HLCS: variants seen among roughly 807,000 people sequenced by gnomAD.
HLCS encodes the protein biotin--protein ligase.
HLCS carries 53 observed loss-of-function variants against 75.0 expected under a neutral mutation model. The observed-to-expected ratio is 0.71, with a 90% CI of 0.57 to 0.89. The LOEUF (loss-of-function observed/expected upper bound fraction) is 0.89. HLCS is among the 40% of genes least tolerant of loss of function. The pLI, the probability that HLCS is intolerant of heterozygous loss-of-function variation, is 0.00. For synonymous variants in HLCS, 431 were observed against 428.6 expected, an observed-to-expected ratio of 1.01 and a Z score of -0.07; for missense variants, 966 against 1,074.0, an observed-to-expected ratio of 0.90 and a Z score of 1.41.
chr21:36,783,721 C>T (rs1051542735), intron 6 of HLCS, among the ~76,000 whole-genome samples: 2 of 152,168 alleles, frequency 1.3e-5, no homozygotes, highest in South Asian at 4.1e-4. Flanking sequence ...CACCAGATGT[C>T]AGGTCTGCCA....
At chr21:36,933,657 C>A (rs1033851396) in intron 4 of HLCS, among the ~76,000 whole-genome samples, 1 of 136,262 alleles carries the variant, frequency 7.3e-6, no homozygotes, top group South Asian at 2.4e-4. Flanking sequence ...TATAGACAAA[C>A]AGCATAGCGG....
chr21:36,929,868 G>C (rs1345786588), intron 5 of HLCS, among the ~76,000 whole-genome samples: 2 of 152,246 alleles, frequency 1.3e-5, no homozygotes, highest in Non-Finnish European at 2.9e-5. Context: ...GTTGCCACAA[G>C]ATGGCAGACA....
At chr21:36,950,389 A>G (rs2067614159) in intron 2 of HLCS, among the ~76,000 whole-genome samples, 1 of 152,206 alleles carries the variant, frequency 6.6e-6, no homozygotes. Context: ...AATAAGTGGA[A>G]CATACGTGCA....
At chr21:36,954,382 A>T (rs1475199999) in intron 2 of HLCS, among the ~76,000 whole-genome samples, 2 of 151,986 alleles carry the variant, frequency 1.3e-5, no homozygotes, top group Non-Finnish European at 2.9e-5. Context: ...TGGGAGGCTG[A>T]GGCAGGCAGA....
In HLCS at chr21:36,753,992, G is replaced by A; in HGVS notation, c.*254C>T. ...AATAAACGTAAGTCCAAGCCACAGA[G>A]GGGAGAGCAATTTCCCACCTGTGGG... On this transcript the variant is annotated 3_prime_UTR_variant, in exon 11 of 11. Transcript: ENST00000674895. The surrounding 1 kb of genome is among the most constrained non-coding windows in gnomAD (Gnocchi z 4.3). The A allele has an allele frequency of 1.8e-6, 1 of 560,434 alleles. No homozygotes were observed. Among genetic ancestry groups the A allele is most frequent in the South Asian group, 2.1e-5 (1 of 48,602 alleles). The allele number at this position is 560,434 out of a possible 1,614,324, so 34.7% of individuals were successfully genotyped here.
At chr21:36,780,286 A>G (rs1371092539) in intron 6 of HLCS, among the ~76,000 whole-genome samples, 1 of 152,110 alleles carries the variant, frequency 6.6e-6, no homozygotes, top group African/African-American at 2.4e-5. Context: ...TCTGTTGCCC[A>G]GGCTGGAGTG....
intron 6 of HLCS, among the ~76,000 whole-genome samples, chr21:36,892,927 A>G (rs1426481385): frequency 2.0e-5 from 3 of 152,148 alleles, no homozygotes; most frequent in Non-Finnish European, 4.4e-5. Context: ...TAGTTCTGAA[A>G]ATTCTTCTTG....
intron 1 of HLCS, among the ~76,000 whole-genome samples, chr21:36,989,922 G>T (rs2069314524): frequency 6.6e-6 from 1 of 150,968 alleles, no homozygotes; most frequent in Non-Finnish European, 1.5e-5. Context: ...AGCGGCGCGC[G>T]GAGGCCGCGC....
intron 5 of HLCS, among the ~76,000 whole-genome samples, chr21:36,923,423 G>A (rs2066262597): frequency 6.6e-6 from 1 of 152,184 alleles, no homozygotes; most frequent in African/African-American, 2.4e-5. Flanking sequence ...ACGCTTCTTA[G>A]ACGGGATGCT....
intron 6 of HLCS, among the ~76,000 whole-genome samples, chr21:36,825,737 G>A (rs567255493): frequency 2.1e-3 from 321 of 152,236 alleles, no homozygotes; most frequent in Non-Finnish European, 3.7e-3. Context: ...TCCAGACGTC[G>A]GCAATGCCAC....
chr21:36,948,484 T>C (rs987402705), intron 2 of HLCS, among the ~76,000 whole-genome samples: 2 of 151,678 alleles, frequency 1.3e-5, no homozygotes, highest in Admixed American at 6.6e-5. Flanking sequence ...ATCCCAGCAC[T>C]TGGGGAGGCC....
intron 6 of HLCS, among the ~76,000 whole-genome samples, chr21:36,891,102 C>T (rs956418984): frequency 2.0e-5 from 3 of 152,200 alleles, no homozygotes; most frequent in Non-Finnish European, 4.4e-5. Flanking sequence ...TGACTAGGTC[C>T]TGTTCATAAT....
intron 1 of HLCS, among the ~76,000 whole-genome samples, chr21:36,989,750 A>G (rs57569585): frequency 0.32 from 48,419 of 152,010 alleles, 8,165 homozygotes; most frequent in African/African-American, 0.42. Context: ...TTTAGCGGCG[A>G]GTAGGCCCTG....
chr21:36,962,567 C>T (rs1018468199), intron 1 of HLCS, among the ~76,000 whole-genome samples: 2 of 151,874 alleles, frequency 1.3e-5, no homozygotes, highest in African/African-American at 4.8e-5. Context: ...GTGGGCAGAT[C>T]GCTTGAGCCC....
At chr21:36,943,109 T>C (rs920456756) in intron 2 of HLCS, among the ~76,000 whole-genome samples, 1 of 152,096 alleles carries the variant, frequency 6.6e-6, no homozygotes, top group Admixed American at 6.6e-5. Flanking sequence ...GGAACTCTAA[T>C]ACACTGCTGG....
intron 6 of HLCS, among the ~76,000 whole-genome samples, chr21:36,836,192 G>T (rs1170923159): frequency 6.6e-6 from 1 of 151,832 alleles, no homozygotes; most frequent in Non-Finnish European, 1.5e-5. Context: ...CTCCATACTG[G>T]TAAGGGCCGA....
intron 8 of HLCS, among the ~76,000 whole-genome samples, chr21:36,761,734 G>A (rs2089852644): frequency 6.6e-6 from 1 of 152,196 alleles, no homozygotes; most frequent in South Asian, 2.1e-4. Flanking sequence ...CCTGTGTCTA[G>A]GAGGCTCTGC....
In HLCS at chr21:36,765,087, T is replaced by C; in HGVS notation, c.2046A>G (p.Gly682=). ...LISIPLRSQL[G]QRIPFVQHLM... ...GATGCTGGACAAACGGGATCCTCTG[T>C]CCCAGCTGGGATCTCAGTGGAATGG... Residue 682 remains glycine (G), a synonymous_variant, in exon 8 of 11, where the codon GGA becomes GGG. Transcript: ENST00000674895. 1 of 1,614,170 alleles carries C rather than the reference T, an allele frequency of 6.2e-7. No individual in the cohort carries two copies. The highest frequency in any genetic ancestry group is 1.1e-5 in the South Asian group (1 of 91,072).
intron 4 of HLCS, among the ~76,000 whole-genome samples, chr21:36,934,736 T>G (rs758072408): frequency 2.6e-5 from 4 of 152,204 alleles, no homozygotes; most frequent in Non-Finnish European, 5.9e-5. Context: ...ACATCATTAC[T>G]AGATTTATTA....
Sources: allele counts gnomAD v4.1 joint callset (sites outside exome capture counted in the v4.1 genomes callset), GRCh38; gene constraint gnomAD v4.1.1; non-coding constraint Gnocchi (gnomAD v3.1); transcripts MANE v1.5; gene names NCBI Gene and HGNC (gene_info 2026-07-23, HGNC 2026-07-21).